Variants in FGR observed in about 807,000 individuals in gnomAD.
The protein encoded by FGR is FGR proto-oncogene, Src family tyrosine kinase, also known as tyrosine-protein kinase Fgr.
In FGR, 26 loss-of-function variants were observed where a neutral mutation model predicts 63.2. The ratio of observed to expected loss-of-function variants is 0.41; its 90% CI spans 0.30 to 0.57. The LOEUF is 0.57. FGR is among the 20% of genes least tolerant of loss of function. The pLI is 0.27. For missense variants in FGR, 511 were observed against 690.8 expected (o/e 0.74, Z 2.92); for synonymous variants, 286 against 277.7 (o/e 1.03, Z -0.30).
At chr1:27,613,184 T>C in intron 12 of FGR, 35 bp downstream of exon 12, 1 of 1,609,990 alleles carries the variant, frequency 6.2e-7, no homozygotes, top group Non-Finnish European at 8.5e-7. Flanking sequence ...CCCGTGACCA[T>C]CCCCCACCCC....
intron 5 of FGR, among the ~76,000 whole-genome samples, chr1:27,620,991 C>CAAAAAAAAAAAAAAAAAAAAAAAAAAAAA (rs59265327): frequency 1.8e-4 from 4 of 22,020 alleles, no homozygotes; most frequent in African/African-American, 3.2e-4. Context: ...GACCCTGTCT[C>CAAAAAAAAAAAAAAAAAAAAAAAAAAAAA]AAAAAAAAAA....
intron 4 of FGR, among the ~76,000 whole-genome samples, chr1:27,622,640 G>A (rs192069483): frequency 3.0e-4 from 45 of 152,214 alleles, no homozygotes; most frequent in Admixed American, 2.5e-3. Context: ...CAAGTAGCTG[G>A]GATTACAGGC....
intron 1 of FGR, chr1:27,626,143 T>A (rs1248160001): frequency 2.5e-6 from 1 of 398,502 alleles, no homozygotes; most frequent in Non-Finnish European, 4.4e-6. Flanking sequence ...GAGCCAACCC[T>A]TTTCTGGCAG....
rs148693988 is a variant in FGR at position 27,621,799 on chromosome 1, C to T, written c.330-142G>A. On this transcript the variant is annotated intron_variant, in intron 4 of 12. Transcript: ENST00000374005. ...ACCCCCCACCACTGGGGCTTTTGTC[C>T]GCTCTGCCCCAGCCACTGCAGCTTC... The T allele has an allele frequency of 1.1e-4, 74 of 653,870 alleles. No individual in the cohort carries two copies. The East Asian group carries it at 1.2e-3, about 11-fold the overall frequency. 40.5% of individuals were successfully genotyped at this position (653,870 alleles called of 1,614,324 possible).
chr1:27,622,991 G>A, intron 4 of FGR, 51 bp downstream of exon 4: 1 of 1,332,586 alleles, frequency 7.5e-7, no homozygotes, highest in Non-Finnish European at 1.1e-6. Flanking sequence ...TCCTGTCTGT[G>A]TCCTGCTCCC....
At chr1:27,619,728 C>G (rs968304543) in intron 5 of FGR, among the ~76,000 whole-genome samples, 12 of 152,226 alleles carry the variant, frequency 7.9e-5, no homozygotes, top group African/African-American at 2.7e-4. Flanking sequence ...CTGGATGTTC[C>G]TCTCCACAAA....
Position 27,614,803 on chromosome 1 carries a change from G to A in FGR, c.1095+47C>T, listed in dbSNP as rs748419059. On this transcript the variant is annotated intron_variant, in intron 10 of 12. Coordinates refer to ENST00000374005, the MANE Select transcript of FGR (RefSeq NM_005248.3). Reference sequence around the variant, plus strand: ...TGAAGGGACAGAGAATTTGTGAACAGTTAATAGGTGGGAGGTCCGGGAGGT... The same window carrying A: ...TGAAGGGACAGAGAATTTGTGAACAATTAATAGGTGGGAGGTCCGGGAGGT... The A allele has an allele frequency of 2.1e-5, 32 of 1,519,306 alleles. No homozygotes were observed. In the Admixed American group the frequency reaches 3.3e-4, roughly 15 times the overall value. The allele number at this position is 1,519,306 out of a possible 1,614,324, so 94.1% of individuals were successfully genotyped here. A position where few individuals can be genotyped will look rare whatever the true frequency, so the allele number is the denominator to read the frequency against.
intron 1 of FGR, among the ~76,000 whole-genome samples, chr1:27,627,725 CA>C (rs1257772352): frequency 2.0e-5 from 3 of 152,306 alleles, no homozygotes; most frequent in African/African-American, 7.2e-5. Context: ...TCTCTTGCCT[CA>C]GCCTCCTGAG....
chr1:27,614,885 A>T lies in FGR; in HGVS notation c.1060T>A (p.Leu354Met). 1.9e-6 allele frequency: 3 copies of T among 1,599,398 alleles called. No individual in the cohort carries two copies. The highest frequency in any genetic ancestry group is 2.6e-6 in the Non-Finnish European group (3 of 1,171,846). ...DFLKNPEGQD[L>M]RLPQLVDMAA... Reference sequence around the variant, plus strand: ...ATGTCCACCAATTGGGGCAGCCTCAAATCCTGGCCCTCTGGGTTCTTGAGA... The same window carrying T: ...ATGTCCACCAATTGGGGCAGCCTCATATCCTGGCCCTCTGGGTTCTTGAGA... Residue 354 changes from leucine to methionine, a missense_variant, in exon 10 of 13, where the codon TTG becomes ATG. Coordinates refer to ENST00000374005, the MANE Select transcript of FGR (RefSeq NM_005248.3).
intron 1 of FGR, among the ~76,000 whole-genome samples, chr1:27,625,452 ATACAGGC>A (rs1281551452): frequency 6.6e-6 from 1 of 152,234 alleles, no homozygotes; most frequent in East Asian, 1.9e-4. Context: ...TCACACGCCA[ATACAGGC>A]TCTAACAAGC....
At position 27,613,059 on chromosome 1, in the gene FGR, C is replaced by G. The variant is rs2089725609; in HGVS notation, c.1445G>C (p.Gly482Ala). The stretch of plus-strand genomic sequence containing the variant: ...GGCCTCGTACAGGGATGCTGGGCAG[C>G]CTGGAGGGCACGGCATGTGGTAGCC... ...EQGYHMPCPPGCPASLYEAME... is the reference protein window; with the variant it reads ...EQGYHMPCPPACPASLYEAME... Residue 482 changes from glycine (G) to alanine (A), a missense_variant, in exon 13 of 13, where the codon GGC becomes GCC. Physicochemically the swap from Gly to Ala is moderately conservative, Grantham distance 60. Transcript: ENST00000374005. The G allele has an allele frequency of 2.5e-6, 4 of 1,614,212 alleles. No individual in the cohort carries two copies. The highest frequency in any genetic ancestry group is 3.4e-6 in the Non-Finnish European group (4 of 1,180,028).
intron 1 of FGR, among the ~76,000 whole-genome samples, chr1:27,632,790 T>A (rs1298543572): frequency 6.6e-6 from 1 of 152,000 alleles, no homozygotes; most frequent in Non-Finnish European, 1.5e-5. Flanking sequence ...GAGTCTAGAT[T>A]TCACAGTGTG....
At chr1:27,632,325 A>G (rs1244012837) in intron 1 of FGR, among the ~76,000 whole-genome samples, 1 of 151,578 alleles carries the variant, frequency 6.6e-6, no homozygotes, top group African/African-American at 2.4e-5. Flanking sequence ...TTTAGTAGAG[A>G]TGGGGTTTAG....
rs771975393 is a variant in FGR, at chr1:27,614,833, G to T, written c.1095+17C>A. On this transcript the variant is annotated intron_variant, in intron 10 of 12. Coordinates refer to ENST00000374005, the MANE Select transcript of FGR (RefSeq NM_005248.3). ...TAGGTGGGAGGTCCGGGAGGTAAAG[G>T]CTGCTGGCCCAGTTACCTGGGCTGC... 1.3e-6 allele frequency: 2 copies of T among 1,575,940 alleles called. No homozygotes were observed. The highest frequency in any genetic ancestry group is 1.7e-6 in the Non-Finnish European group (2 of 1,157,936).
Position 27,612,873 on chromosome 1 carries a change from G to T in FGR, c.*41C>A. On this transcript the variant is annotated 3_prime_UTR_variant, in exon 13 of 13. Transcript: ENST00000374005. ...AAGAACAGCTCTGGGGATTGGCAAG[G>T]ACTGGTGGCCACCGCCAGAGAGGGT... is the stretch of plus-strand genomic sequence containing the variant. 2 of 1,571,522 alleles carry T rather than the reference G, an allele frequency of 1.3e-6. No individual in the cohort carries two copies. The highest frequency in any genetic ancestry group is 1.1e-5 in the South Asian group (1 of 88,146).
rs2231865 is a variant in FGR, at chr1:27,624,185, C to T, written c.-13-256G>A. The T allele has an allele frequency of 5.2e-5, 23 of 439,012 alleles. No homozygotes were observed. In the Admixed American group the frequency reaches 6.0e-4, roughly 11 times the overall value. The allele number at this position is 439,012 out of a possible 1,614,324, so 27.2% of individuals were successfully genotyped here. On this transcript the variant is annotated intron_variant, in intron 2 of 12. Transcript: ENST00000374005. ...CTATATCTCTGGGGCTGGCTTTCTA[C>T]ATTGGGATATTGCTATGCTTATTTG...
chr1:27,614,625 TCA>T (rs1385126113), intron 10 of FGR, 42 bp from the exon 11 acceptor site: 13 of 1,605,220 alleles, frequency 8.1e-6, no homozygotes, highest in Non-Finnish European at 1.1e-5. Flanking sequence ...TCATGTGGAC[TCA>T]CAACACCGTG....
intron 2 of FGR, among the ~76,000 whole-genome samples, 158 bp downstream of exon 2, chr1:27,624,931 G>C (rs2089994934): frequency 6.6e-6 from 1 of 152,262 alleles, no homozygotes; most frequent in South Asian, 2.1e-4. Flanking sequence ...CGTGGGTCCA[G>C]CCTTCAGCCT....
chr1:27,615,160 C>T lies in FGR; in HGVS notation c.1019-234G>A, dbSNP rs749566844. On this transcript the variant is annotated intron_variant, in intron 9 of 12. Transcript: ENST00000374005. This position sits in a 1 kb window ranked among gnomAD's most constrained non-coding sequence, Gnocchi z 7.6. Reference sequence around the variant, plus strand: ...TTCCGGACACGACCCACCCAGACTCCGCCCCAGACCCTCCCTCATTCCCGA... The same window carrying T: ...TTCCGGACACGACCCACCCAGACTCTGCCCCAGACCCTCCCTCATTCCCGA... Among the ~76,000 whole-genome samples the T allele has an allele frequency of 6.6e-6, 1 of 152,040 alleles. No homozygotes were observed. The highest frequency in any genetic ancestry group is 1.5e-5 in the Non-Finnish European group (1 of 68,004).
Sources: gnomAD v4.1 joint callset for allele counts (sites outside exome capture counted in the v4.1 genomes callset) on GRCh38, gnomAD v4.1.1 for gene constraint, Gnocchi (gnomAD v3.1) non-coding constraint, MANE v1.5 for transcripts, NCBI Gene and HGNC (gene_info 2026-07-23, HGNC 2026-07-21) for gene names.